RGMA: variants seen among roughly 807,000 people sequenced by gnomAD.
RGMA encodes the protein repulsive guidance molecule A.
RGMA carries 10 observed loss-of-function variants against 23.2 expected under a neutral mutation model. The observed-to-expected ratio is 0.43, with a 90% CI of 0.27 to 0.73. The LOEUF (loss-of-function observed/expected upper bound fraction) is 0.73. RGMA is among the 30% of genes least tolerant of loss of function. The pLI, the probability that RGMA is intolerant of heterozygous loss-of-function variation, is 0.20. For missense variants in RGMA, 547 were observed against 630.5 expected, an observed-to-expected ratio of 0.87 and a Z score of 1.42; for synonymous variants, 308 against 279.3, an observed-to-expected ratio of 1.10 and a Z score of -1.03.
In RGMA at chr15:93,088,905, C is replaced by T; in HGVS notation, c.14+14G>A. On this transcript the variant is annotated intron_variant, in intron 1 of 3. Transcript: ENST00000329082. ...GTCAGAGCCGGGTCTGCCCGGCTCCCGACCCGCGCTTACCTTGGCGGCTGC... is the reference window on the plus strand; with the variant it reads ...GTCAGAGCCGGGTCTGCCCGGCTCCTGACCCGCGCTTACCTTGGCGGCTGC... 3 of 1,477,082 alleles carry T rather than the reference C, an allele frequency of 2.0e-6. No homozygotes were observed. The highest frequency in any genetic ancestry group is 1.3e-5 in the South Asian group (1 of 77,868). The allele number at this position is 1,477,082 out of a possible 1,614,324, so 91.5% of individuals were successfully genotyped here.
intron 2 of RGMA, among the ~76,000 whole-genome samples, chr15:93,060,753 C>G (rs537504483): frequency 6.6e-6 from 1 of 152,366 alleles, no homozygotes; most frequent in Non-Finnish European, 1.5e-5. Context: ...GGGGATGTCA[C>G]AGGTCACCAG....
intron 3 of RGMA, among the ~76,000 whole-genome samples, chr15:93,048,749 C>G (rs2054869227): frequency 6.6e-6 from 1 of 152,176 alleles, no homozygotes; most frequent in Non-Finnish European, 1.5e-5. Context: ...CTTCTTTCCA[C>G]CCACTGGCCA....
At chr15:93,065,998 C>T (rs376750123) in intron 2 of RGMA, 36 of 1,287,214 alleles carry the variant, frequency 2.8e-5, no homozygotes, top group South Asian at 1.4e-4. Flanking sequence ...GTCTTTGGCC[C>T]GTTCCCCTTC....
At chr15:93,053,565 G>T (rs76697556) in intron 2 of RGMA, among the ~76,000 whole-genome samples, 17,475 of 152,262 alleles carry the variant, frequency 0.11, 1,202 homozygotes, top group South Asian at 0.32. Context: ...CTCTGGTGCT[G>T]GTTTTACCTA....
intron 2 of RGMA, chr15:93,066,482 G>T: frequency 3.7e-6 from 2 of 545,746 alleles, no homozygotes; most frequent in South Asian, 1.6e-5. Context: ...GGCACCAAGG[G>T]GGTCCCATCC....
intron 2 of RGMA, 34 bp downstream of exon 2, chr15:93,072,879 GGAC>G: frequency 6.4e-7 from 1 of 1,572,824 alleles, no homozygotes. Flanking sequence ...GGCGGCCCAG[GGAC>G]CCGGCCCCGC....
At chr15:93,088,800 G>A (rs910297818) in intron 1 of RGMA, 119 bp downstream of exon 1, 25 of 981,958 alleles carry the variant, frequency 2.5e-5, no homozygotes, top group Non-Finnish European at 3.3e-5. Context: ...TGGGCAAGAT[G>A]GGAGCAAGAT....
chr15:93,074,809 G>A (rs978570703), intron 1 of RGMA, among the ~76,000 whole-genome samples: 3 of 152,312 alleles, frequency 2.0e-5, no homozygotes, highest in East Asian at 3.9e-4. Context: ...CGCTAAGCAG[G>A]CACTGTGCCA....
intron 2 of RGMA, chr15:93,066,422 C>T: frequency 3.1e-6 from 2 of 648,732 alleles, no homozygotes; most frequent in East Asian, 7.2e-5. Context: ...GTTTCCAAGG[C>T]CGCCGTCGTT....
rs544685335 is a variant in RGMA at position 93,048,915 on chromosome 15, G to A, written c.645+3078C>T. On this transcript the variant is annotated intron_variant, in intron 3 of 3. Coordinates refer to ENST00000329082, the MANE Select transcript of RGMA (RefSeq NM_020211.3). ...ACAGACACTGGGGGTGGGGGGGGGC[G>A]GCGTCCTGCTTTCCAAGTGCCATCA... is the stretch of plus-strand genomic sequence containing the variant. 8.0e-5 allele frequency among the ~76,000 whole-genome samples: 12 copies of A among 150,260 alleles called. No individual in the cohort carries two copies. The South Asian group carries it at 8.4e-4, about 11-fold the overall frequency.
At chr15:93,054,609 C>T (rs1465757729) in intron 2 of RGMA, among the ~76,000 whole-genome samples, 1 of 152,180 alleles carries the variant, frequency 6.6e-6, no homozygotes, top group African/African-American at 2.4e-5. Flanking sequence ...TGAGGCCTCC[C>T]CGGCCATGTG....
intron 2 of RGMA, among the ~76,000 whole-genome samples, chr15:93,058,013 C>A (rs796396674): frequency 9.2e-5 from 14 of 152,284 alleles, no homozygotes; most frequent in African/African-American, 3.4e-4. Context: ...TCCTAAAATG[C>A]CTCTTCTGCT....
intron 2 of RGMA, among the ~76,000 whole-genome samples, chr15:93,055,976 C>T (rs2055006880): frequency 6.6e-6 from 1 of 152,182 alleles, no homozygotes; most frequent in South Asian, 2.1e-4. Context: ...ACCCAGGTAC[C>T]CCGGAGAGGG....
At chr15:93,049,998 G>A (rs990542978) in intron 3 of RGMA, among the ~76,000 whole-genome samples, 6 of 152,194 alleles carry the variant, frequency 3.9e-5, no homozygotes, top group Admixed American at 1.3e-4. Context: ...CTCCCACTCC[G>A]CCTGCTTTGG....
chr15:93,051,902 A>T, intron 3 of RGMA, 91 bp downstream of exon 3: 1 of 1,340,562 alleles, frequency 7.5e-7, no homozygotes. Context: ...CCCCATTCCC[A>T]GGCACCCGAG....
intron 1 of RGMA, among the ~76,000 whole-genome samples, chr15:93,085,923 G>A (rs1462818595): frequency 1.3e-5 from 2 of 152,188 alleles, no homozygotes; most frequent in African/African-American, 4.8e-5. Flanking sequence ...GGCCTTGTAT[G>A]CATACTTGGG....
chr15:93,073,148 G>T (rs1250195261), intron 1 of RGMA, 117 bp from the exon 2 acceptor site: 5 of 1,244,218 alleles, frequency 4.0e-6, no homozygotes, highest in Admixed American at 8.8e-5. Flanking sequence ...GGCCGCGGGC[G>T]CCCGGCGCGC....
chr15:93,072,951 G>A lies in RGMA; in HGVS notation c.95C>T (p.Pro32Leu), dbSNP rs1567193592. The A allele has an allele frequency of 1.9e-6, 3 of 1,610,168 alleles. No individual in the cohort carries two copies. Among genetic ancestry groups the A allele is most frequent in the Non-Finnish European group, 2.5e-6 (3 of 1,178,604 alleles). Residue 32 changes from proline to leucine, a missense_variant, in exon 2 of 4, where the codon CCG becomes CTG. By Grantham distance (98) the Pro-to-Leu change is moderately conservative (BLOSUM62 -3). This residue lies in a region of RGMA where 214 missense variants were observed against 234.7 expected (regional missense o/e 0.91). Transcript: ENST00000329082. ...GAGRSALGFW[P>L]TLAFLLCSFP... ...GCTGCAGAGAAGGAAGGCGAGGGTC[G>A]GCCAGAATCCCAGGGCTGAACGTCC... is the stretch of plus-strand genomic sequence containing the variant.
chr15:93,069,153 A>AG lies in RGMA; in HGVS notation c.130+3762dup, dbSNP rs374804069. ...GAGACGGAGTTTCATTCTGTCACCC[A>AG]GGCTGGAGTACAGTGGTGCGATCTC... On this transcript the variant is annotated intron_variant, in intron 2 of 3. Coordinates refer to ENST00000329082, the MANE Select transcript of RGMA (RefSeq NM_020211.3). 6.8e-4 allele frequency among the ~76,000 whole-genome samples: 104 copies of AG among 152,250 alleles called. 2 individuals carry two copies. The highest frequency in any genetic ancestry group is 3.4e-3 in the Middle Eastern group (1 of 294).
Sources: gnomAD v4.1 joint callset for allele counts (sites outside exome capture counted in the v4.1 genomes callset) on GRCh38, gnomAD v4.1.1 for gene constraint, gnomAD v4.1.1 regional missense constraint, MANE v1.5 for transcripts, NCBI Gene and HGNC (gene_info 2026-07-23, HGNC 2026-07-21) for gene names.